Variants in ADAMTS18 observed in about 807,000 individuals in gnomAD.
ADAMTS18 encodes the protein A disintegrin and metalloproteinase with thrombospondin motifs 18.
Under a neutral mutation model 165.9 loss-of-function variants are expected in ADAMTS18, and 157 were observed. That is an observed-to-expected ratio of 0.95 (90% CI 0.83 to 1.08). The LOEUF (loss-of-function observed/expected upper bound fraction) is 1.08. ADAMTS18 is among the 50% of genes least tolerant of loss of function. The probability of loss-of-function intolerance (pLI) is 0.00; values close to 1 mark genes in which losing one functional copy is unlikely to be tolerated. For missense variants in ADAMTS18, 2,040 were observed against 1,534.0 expected (o/e 1.33, Z -5.51); for synonymous variants, 782 against 578.2 (o/e 1.35, Z -5.06).
At chr16:77,297,508 A>G in intron 17 of ADAMTS18, 93 bp from the exon 18 acceptor site, 1 of 1,333,034 alleles carries the variant, frequency 7.5e-7, no homozygotes, top group Non-Finnish European at 1.1e-6. Context: ...GCATTGTGAT[A>G]TTTTATTTCA....
intron 8 of ADAMTS18, among the ~76,000 whole-genome samples, chr16:77,357,776 A>G (rs934569232): frequency 6.6e-6 from 1 of 152,168 alleles, no homozygotes; most frequent in African/African-American, 2.4e-5. Flanking sequence ...TATCTCAGGA[A>G]TTGTCTGTTT....
intron 3 of ADAMTS18, among the ~76,000 whole-genome samples, chr16:77,382,122 A>G (rs1013987524): frequency 6.6e-6 from 1 of 152,212 alleles, no homozygotes. Flanking sequence ...TTTGGGAGAG[A>G]CATATCCACA....
intron 14 of ADAMTS18, among the ~76,000 whole-genome samples, chr16:77,322,095 C>A (rs2056009415): frequency 7.6e-6 from 1 of 131,290 alleles, no homozygotes; most frequent in Admixed American, 9.3e-5. Context: ...GCAGAGGTTA[C>A]AGTGAGCTAA....
chr16:77,431,805 A>G, intron 2 of ADAMTS18, 194 bp from the exon 3 acceptor site: 1 of 638,480 alleles, frequency 1.6e-6, no homozygotes, highest in Non-Finnish European at 2.8e-6. Flanking sequence ...GGCCACAGTC[A>G]TTTCTACAGG....
chr16:77,368,712 ATCTTGATT>A (rs958761220), intron 3 of ADAMTS18, among the ~76,000 whole-genome samples: 1 of 152,104 alleles, frequency 6.6e-6, no homozygotes, highest in Non-Finnish European at 1.5e-5. Flanking sequence ...GTTCTGGCCC[ATCTTGATT>A]CACAGTTGCT....
At chr16:77,338,328 CG>C (rs1452101301) in intron 11 of ADAMTS18, among the ~76,000 whole-genome samples, 1 of 152,070 alleles carries the variant, frequency 6.6e-6, no homozygotes, top group Non-Finnish European at 1.5e-5. Context: ...CTCCACCTCC[CG>C]GATTTAAGTA....
At chr16:77,403,415 T>C (rs1013075449) in intron 3 of ADAMTS18, among the ~76,000 whole-genome samples, 1 of 152,182 alleles carries the variant, frequency 6.6e-6, no homozygotes, top group Admixed American at 6.5e-5. Context: ...GAGCCAGTAT[T>C]TGAACTCAAG....
At chr16:77,290,735 C>T (rs2055345922) in intron 21 of ADAMTS18, 1 of 165,516 alleles carries the variant, frequency 6.0e-6, no homozygotes, top group Admixed American at 5.7e-5. Flanking sequence ...AAGGGTGCCT[C>T]TAGCATCTGA....
Position 77,326,012 on chromosome 16 carries a change from G to C in ADAMTS18, c.1886C>G (p.Pro629Arg), listed in dbSNP as rs747801109. 5 of 1,613,936 alleles carry C rather than the reference G, an allele frequency of 3.1e-6. No individual in the cohort carries two copies. The South Asian group carries it at 5.5e-5, about 18-fold the overall frequency. The change falls in exon 13 of 23, where the codon CCA (proline) becomes CGA (arginine). Residue 629 changes from proline (P) to arginine (R), a missense_variant. Physicochemically the swap from Pro to Arg is moderately radical, Grantham distance 103. Transcript: ENST00000282849. ...CAGCTGATAAATACGGCTAGAACCTGGACAGAATAAGCCACCATACTGAGG... is the reference window on the plus strand; with the variant it reads ...CAGCTGATAAATACGGCTAGAACCTCGACAGAATAAGCCACCATACTGAGG... ...PKPQYGGLFC[P>R]GSSRIYQLCN...
intron 3 of ADAMTS18, among the ~76,000 whole-genome samples, chr16:77,370,988 C>T (rs2056868188): frequency 6.6e-6 from 1 of 152,044 alleles, no homozygotes; most frequent in African/African-American, 2.4e-5. Flanking sequence ...TGACTTATGC[C>T]TATAATCCCA....
At chr16:77,332,918 G>A (rs1343636490) in intron 12 of ADAMTS18, among the ~76,000 whole-genome samples, 1 of 152,070 alleles carries the variant, frequency 6.6e-6, no homozygotes, top group Non-Finnish European at 1.5e-5. Context: ...CGTATTTCTG[G>A]TTTCTCTTGA....
rs1264172655 is a variant in ADAMTS18, at chr16:77,337,912, T to TC, written c.1711-2009_1711-2008insG. 1.9e-4 allele frequency among the ~76,000 whole-genome samples: 29 copies of TC among 149,606 alleles called. No homozygotes were observed. The South Asian group carries it at 5.8e-3, about 30-fold the overall frequency. On this transcript the variant is annotated intron_variant, in intron 11 of 22. Transcript: ENST00000282849. ...ATCCATCTTTTCTTTTCTTTTCTTT[T>TC]TTTTTTTTTTGACAAAGTTTCACTC...
At chr16:77,385,618 T>C (rs1161873447) in intron 3 of ADAMTS18, among the ~76,000 whole-genome samples, 1 of 152,190 alleles carries the variant, frequency 6.6e-6, no homozygotes, top group Non-Finnish European at 1.5e-5. Flanking sequence ...CAGCATTTAT[T>C]TGTTAAACAG....
intron 12 of ADAMTS18, among the ~76,000 whole-genome samples, chr16:77,334,133 TAGTGTTATATATTATATATAATATAC>T (rs2056242329): frequency 1.9e-5 from 1 of 53,754 alleles, no homozygotes; most frequent in African/African-American, 7.2e-5. Context: ...ATATAATATA[TAGTGTTATATATTATATATAATATAC>T]AGTGTTATAT....
intron 13 of ADAMTS18, among the ~76,000 whole-genome samples, chr16:77,323,208 G>GC (rs919617277): frequency 6.6e-6 from 1 of 152,100 alleles, no homozygotes; most frequent in African/African-American, 2.4e-5. Context: ...GCTCTTCTTG[G>GC]CCAGGAATTC....
chr16:77,336,126 T>C (rs116107814), intron 11 of ADAMTS18, among the ~76,000 whole-genome samples: 1,639 of 152,300 alleles, frequency 0.011, 29 homozygotes, highest in African/African-American at 0.037. Flanking sequence ...AGTGGCATTG[T>C]TCACCAACAG....
intron 16 of ADAMTS18, among the ~76,000 whole-genome samples, chr16:77,315,554 T>A (rs146774234): frequency 9.1e-4 from 139 of 152,264 alleles, no homozygotes; most frequent in African/African-American, 3.2e-3. Flanking sequence ...GATGAGAGAT[T>A]TGCATCTATA....
chr16:77,350,236 T>C (rs1394301534), intron 10 of ADAMTS18, among the ~76,000 whole-genome samples: 1 of 152,130 alleles, frequency 6.6e-6, no homozygotes, highest in Non-Finnish European at 1.5e-5. Flanking sequence ...TTCAACACTT[T>C]GGATGAGAAC....
chr16:77,420,503 G>A (rs530549014), intron 3 of ADAMTS18, among the ~76,000 whole-genome samples: 41 of 152,222 alleles, frequency 2.7e-4, no homozygotes, highest in African/African-American at 9.1e-4. Context: ...TTAAAGCTCC[G>A]TGCACTAAGA....
Sources: gnomAD v4.1 joint callset for allele counts (sites outside exome capture counted in the v4.1 genomes callset) on GRCh38, gnomAD v4.1.1 for gene constraint, MANE v1.5 for transcripts, NCBI Gene and HGNC (gene_info 2026-07-23, HGNC 2026-07-21) for gene names.